Variants in RHPN2 observed in about 807,000 individuals in gnomAD.
The protein encoded by RHPN2 is rhophilin Rho GTPase binding protein 2, also known as rhophilin-2.
Under a neutral mutation model 79.0 loss-of-function variants are expected in RHPN2, and 40 were observed. That is an observed-to-expected ratio of 0.51 (90% CI 0.39 to 0.66). The LOEUF (loss-of-function observed/expected upper bound fraction) is 0.66, where lower values mean the gene tolerates loss of function less well. Ranked by LOEUF, RHPN2 falls within the 30% of genes least tolerant of loss-of-function variation. The probability of loss-of-function intolerance (pLI) is 0.00; values close to 1 mark genes in which losing one functional copy is unlikely to be tolerated. For synonymous variants in RHPN2, 285 were observed against 363.5 expected (o/e 0.78, Z 2.46); for missense variants, 686 against 883.5 (o/e 0.78, Z 2.83).
intron 4 of RHPN2, among the ~76,000 whole-genome samples, chr19:33,013,257 C>T (rs1452115142): frequency 3.3e-5 from 5 of 151,960 alleles, no homozygotes; most frequent in African/African-American, 4.8e-5. Flanking sequence ...TGCAATCTTG[C>T]GATCTCGGCT....
intron 1 of RHPN2, among the ~76,000 whole-genome samples, chr19:33,059,655 T>A (rs1300489702): frequency 6.6e-6 from 1 of 152,018 alleles, no homozygotes; most frequent in Non-Finnish European, 1.5e-5. Flanking sequence ...AGCTGCCTTC[T>A]CTCTTCTCAG....
chr19:33,009,381 G>T (rs1311589554), intron 6 of RHPN2, among the ~76,000 whole-genome samples: 2 of 152,098 alleles, frequency 1.3e-5, no homozygotes, highest in African/African-American at 4.8e-5. Context: ...TCTCCTAAAT[G>T]AAATATGGCA....
chr19:33,039,060 T>C (rs1972080121), intron 2 of RHPN2, among the ~76,000 whole-genome samples: 1 of 152,174 alleles, frequency 6.6e-6, no homozygotes, highest in Admixed American at 6.6e-5. Context: ...AAAACTATCC[T>C]TCCAGGAATA....
intron 4 of RHPN2, among the ~76,000 whole-genome samples, chr19:33,018,152 C>A (rs1403667233): frequency 6.6e-6 from 1 of 151,674 alleles, no homozygotes; most frequent in Non-Finnish European, 1.5e-5. Context: ...GGCTTCATCT[C>A]AAAAATATAT....
intron 12 of RHPN2, 24 bp from the exon 13 acceptor site, chr19:32,991,993 T>C (rs768239312): frequency 6.2e-6 from 10 of 1,613,578 alleles, no homozygotes; most frequent in Non-Finnish European, 8.5e-6. Context: ...CATCGTTAGG[T>C]GTAGGATTTG....
Position 32,996,117 on chromosome 19 carries a change from C to T in RHPN2, c.1329G>A (p.Leu443=). 1.2e-6 allele frequency: 2 copies of T among 1,614,132 alleles called. No homozygotes were observed. Among genetic ancestry groups the T allele is most frequent in the Middle Eastern group, 1.7e-4 (1 of 6,058 alleles). ...GCCGGGAGCGTTCCTGTGCGGCACACAGCACCTTCTGTAGCACCTCAATGC... is the reference window on the plus strand; with the variant it reads ...GCCGGGAGCGTTCCTGTGCGGCACATAGCACCTTCTGTAGCACCTCAATGC... ...LRSIEVLQKV[L]CAAQERSRLT... Residue 443 remains leucine, a synonymous_variant, in exon 11 of 15, where the codon CTG becomes CTA. Coordinates refer to ENST00000254260, the MANE Select transcript of RHPN2 (RefSeq NM_033103.5).
In RHPN2 at chr19:33,036,996, G is replaced by A. The variant is rs564823870; in HGVS notation, c.185+7253C>T. ...GGGCTGACGAGTGCGGGCGCAGGGC[G>A]CCGGACTGGCAGGCAGCTCCACCTG... On this transcript the variant is annotated intron_variant, in intron 2 of 14. Coordinates refer to ENST00000254260, the MANE Select transcript of RHPN2 (RefSeq NM_033103.5). Among the ~76,000 whole-genome samples the A allele has an allele frequency of 1.6e-4, 24 of 152,366 alleles. 1 individual carries two copies. In the South Asian group the frequency reaches 3.5e-3, roughly 22 times the overall value.
intron 11 of RHPN2, among the ~76,000 whole-genome samples, chr19:32,994,519 G>A (rs924925768): frequency 1.3e-5 from 2 of 152,148 alleles, no homozygotes; most frequent in Admixed American, 6.6e-5. Context: ...GACCTAGGGT[G>A]AACTGTACCT....
intron 3 of RHPN2, 46 bp downstream of exon 3, chr19:33,026,458 G>T (rs778016103): frequency 6.2e-7 from 1 of 1,600,626 alleles, no homozygotes; most frequent in South Asian, 1.1e-5. Context: ...ATGTACGAAG[G>T]ATCTCTGGCT....
chr19:33,035,066 A>T (rs1358553503), intron 2 of RHPN2, among the ~76,000 whole-genome samples: 1 of 152,116 alleles, frequency 6.6e-6, no homozygotes, highest in Non-Finnish European at 1.5e-5. Context: ...CTTCAGGTTC[A>T]AGTGATTCTC....
intron 2 of RHPN2, among the ~76,000 whole-genome samples, chr19:33,034,449 C>CA (rs1326313608): frequency 6.6e-6 from 1 of 151,518 alleles, no homozygotes; most frequent in Admixed American, 6.6e-5. Context: ...ACTAAAAATA[C>CA]AAAAAAATTA....
intron 14 of RHPN2, among the ~76,000 whole-genome samples, chr19:32,983,868 C>A (rs993763857): frequency 2.6e-5 from 4 of 151,964 alleles, no homozygotes; most frequent in Admixed American, 1.3e-4. Context: ...CTCAAGTGAT[C>A]CACCTGCCTC....
intron 4 of RHPN2, 31 bp from the exon 5 acceptor site, chr19:33,012,755 A>G: frequency 7.7e-7 from 1 of 1,295,546 alleles, no homozygotes; most frequent in South Asian, 1.2e-5. Flanking sequence ...GATGTTATAA[A>G]GTGTGGCTGA....
intron 7 of RHPN2, among the ~76,000 whole-genome samples, chr19:33,004,368 T>C (rs1971774195): frequency 3.3e-5 from 5 of 152,042 alleles, no homozygotes; most frequent in Admixed American, 3.3e-4. Flanking sequence ...CTTCTGGAGA[T>C]GTTTAGTGGT....
chr19:33,063,808 A>ACCCGCCGCCCGCCGCCCGCCGCCCGCCG (rs56913749), intron 1 of RHPN2, among the ~76,000 whole-genome samples: 19 of 131,246 alleles, frequency 1.4e-4, no homozygotes, highest in African/African-American at 5.7e-4. Flanking sequence ...GGCACCCGCC[A>ACCCGCCGCCCGCCGCCCGCCGCCCGCCG]CCCGCCGCCC....
intron 1 of RHPN2, among the ~76,000 whole-genome samples, chr19:33,062,351 A>G (rs1180949923): frequency 2.6e-5 from 4 of 152,002 alleles, no homozygotes; most frequent in Admixed American, 1.3e-4. Flanking sequence ...AGTCTCAGCT[A>G]CTGGGAAGGC....
chr19:32,983,873 T>A (rs1209076698), intron 14 of RHPN2, among the ~76,000 whole-genome samples: 1 of 152,132 alleles, frequency 6.6e-6, no homozygotes. Context: ...GTGATCCACC[T>A]GCCTCAGCCT....
Position 32,996,227 on chromosome 19 carries a change from A to T in RHPN2, c.1226-7T>A. 1 of 1,614,060 alleles carries T rather than the reference A, an allele frequency of 6.2e-7. No individual in the cohort carries two copies. Among genetic ancestry groups the T allele is most frequent in the Non-Finnish European group, 8.5e-7 (1 of 1,180,036 alleles). The stretch of plus-strand genomic sequence containing the variant: ...CTGCGCAAGTGGGACTTCCCTGCAG[A>T]CGGAAGCCAGCACCCACGTGACTTG... On this transcript the variant is annotated splice_region_variant and splice_polypyrimidine_tract_variant and intron_variant, in intron 10 of 14. Transcript: ENST00000254260.
At chr19:33,033,530 C>T (rs1308685110) in intron 2 of RHPN2, among the ~76,000 whole-genome samples, 2 of 152,052 alleles carry the variant, frequency 1.3e-5, no homozygotes, top group African/African-American at 4.8e-5. Flanking sequence ...CACGCCACTG[C>T]ACTCCAGCCT....
Sources: allele counts gnomAD v4.1 joint callset (sites outside exome capture counted in the v4.1 genomes callset), GRCh38; gene constraint gnomAD v4.1.1; transcripts MANE v1.5; gene names NCBI Gene and HGNC (gene_info 2026-07-23, HGNC 2026-07-21).